The following MCC variants were observed in gnomAD, a reference collection of about 807,000 sequenced individuals.
The protein encoded by MCC is MCC regulator of Wnt signaling pathway.
A neutral mutation model predicts 116.2 loss-of-function variants in MCC; 90 were observed. The observed-to-expected ratio is 0.77, with a 90% CI of 0.65 to 0.92. The LOEUF is 0.92. MCC is among the 40% of genes least tolerant of loss of function. The probability of loss-of-function intolerance (pLI) is 0.00; values close to 1 mark genes in which losing one functional copy is unlikely to be tolerated. For missense variants in MCC, 1,516 were observed against 1,312.2 expected (o/e 1.16, Z -2.40); for synonymous variants, 578 against 510.5 (o/e 1.13, Z -1.78).
At chr5:113,334,966 T>G (rs1204783300) in intron 3 of MCC, among the ~76,000 whole-genome samples, 1 of 151,748 alleles carries the variant, frequency 6.6e-6, no homozygotes, top group Non-Finnish European at 1.5e-5. Context: ...TTCCAATATT[T>G]TATTTGTCCT....
intron 2 of MCC, among the ~76,000 whole-genome samples, chr5:113,384,118 T>C (rs1561545988): frequency 6.6e-6 from 1 of 152,182 alleles, no homozygotes; most frequent in African/African-American, 2.4e-5. Context: ...AAAATATGTA[T>C]AACTGAGTAT....
intron 3 of MCC, among the ~76,000 whole-genome samples, chr5:113,311,528 T>A (rs1295197382): frequency 6.6e-6 from 1 of 152,116 alleles, no homozygotes; most frequent in Non-Finnish European, 1.5e-5. Flanking sequence ...GGCTTTACAG[T>A]CAAGAACAGC....
At chr5:113,392,178 C>T (rs939508580) in intron 1 of MCC, among the ~76,000 whole-genome samples, 1 of 151,448 alleles carries the variant, frequency 6.6e-6, no homozygotes, top group South Asian at 2.1e-4. Flanking sequence ...CCATAGTGAG[C>T]TACGATTGCC....
intron 5 of MCC, among the ~76,000 whole-genome samples, chr5:113,132,383 C>A (rs11749995): frequency 0.51 from 64,207 of 127,102 alleles, 17,280 homozygotes; most frequent in East Asian, 0.67. Context: ...TATATATATA[C>A]ATACATATAT....
rs1766918642 is a variant in MCC, at chr5:113,303,767, C to G, written c.627+36752G>C. Among the ~76,000 whole-genome samples the G allele has an allele frequency of 3.3e-5, 5 of 152,168 alleles. No homozygotes were observed. The South Asian group carries it at 1.0e-3, about 32-fold the overall frequency. ...TCCCAGGTTCAAGTGATTCCCCTGC[C>G]TCAGCCTCCCAAGTAGCTGGGATTA... On this transcript the variant is annotated intron_variant, in intron 3 of 18. Coordinates refer to ENST00000408903, the MANE Select transcript of MCC (RefSeq NM_001085377.2).
chr5:113,331,826 CG>C, intron 3 of MCC, among the ~76,000 whole-genome samples: 1 of 151,502 alleles, frequency 6.6e-6, no homozygotes, highest in South Asian at 2.1e-4. Context: ...TTAGTAGAGA[CG>C]GGGTTTCACC....
intron 1 of MCC, among the ~76,000 whole-genome samples, chr5:113,471,869 C>T (rs948576015): frequency 6.6e-6 from 1 of 152,004 alleles, no homozygotes; most frequent in Non-Finnish European, 1.5e-5. Context: ...ATGGCGGGCG[C>T]CCCTCCCCCA....
chr5:113,292,311 C>CATTG (rs1451076062), intron 3 of MCC, among the ~76,000 whole-genome samples: 10 of 152,058 alleles, frequency 6.6e-5, no homozygotes, highest in Middle Eastern at 6.8e-3. Context: ...GGATAACTAA[C>CATTG]ATTGATTGGA....
intron 1 of MCC, among the ~76,000 whole-genome samples, chr5:113,425,851 G>C (rs1339472009): frequency 6.6e-6 from 1 of 152,020 alleles, no homozygotes; most frequent in Non-Finnish European, 1.5e-5. Context: ...TCACCATGCT[G>C]GGGGTGGTGG....
At position 113,024,747 on chromosome 5, in the gene MCC, T is replaced by G. The variant is rs1275509168; in HGVS notation, c.*2555A>C. The G allele has an allele frequency of 3.5e-5, 1 of 28,448 alleles. No homozygotes were observed. The highest frequency in any genetic ancestry group is 3.8e-4 in the African/African-American group (1 of 2,608). The allele number at this position is 28,448 out of a possible 1,614,324, so 1.8% of individuals were successfully genotyped here. A position where few individuals can be genotyped will look rare whatever the true frequency, so the allele number is the denominator to read the frequency against. On this transcript the variant is annotated 3_prime_UTR_variant, in exon 19 of 19. Coordinates refer to ENST00000408903, the MANE Select transcript of MCC (RefSeq NM_001085377.2). Reference sequence around the variant, plus strand: ...AGGAACCTGCAAGCATTTAATTTAATCAGTATAGTTTAGTTCAGTAGCTCC... The same window carrying G: ...AGGAACCTGCAAGCATTTAATTTAAGCAGTATAGTTTAGTTCAGTAGCTCC...
At chr5:113,160,717 A>G (rs986919681) in intron 3 of MCC, among the ~76,000 whole-genome samples, 2 of 152,242 alleles carry the variant, frequency 1.3e-5, no homozygotes, top group Non-Finnish European at 2.9e-5. Context: ...AAGCAGAATT[A>G]GCACAATTAG....
At chr5:113,139,162 T>C (rs1047876573) in intron 5 of MCC, among the ~76,000 whole-genome samples, 1 of 152,146 alleles carries the variant, frequency 6.6e-6, no homozygotes, top group African/African-American at 2.4e-5. Flanking sequence ...ACTTCGACTC[T>C]GTTTGTTCAG....
At chr5:113,295,162 T>C (rs1426625226) in intron 3 of MCC, among the ~76,000 whole-genome samples, 1 of 144,404 alleles carries the variant, frequency 6.9e-6, no homozygotes, top group Non-Finnish European at 1.5e-5. Flanking sequence ...TGAATAATCG[T>C]GCAGGAAATT....
intron 2 of MCC, among the ~76,000 whole-genome samples, chr5:113,345,626 G>A (rs541721279): frequency 2.0e-5 from 3 of 152,338 alleles, no homozygotes; most frequent in East Asian, 1.9e-4. Flanking sequence ...TCTCTGCCTC[G>A]TAATCTGGAG....
intron 5 of MCC, among the ~76,000 whole-genome samples, chr5:113,132,453 C>CATATATATATATATATATATATAT (rs1561385323): frequency 1.6e-5 from 2 of 128,358 alleles, no homozygotes; most frequent in African/African-American, 6.8e-5. Flanking sequence ...TACACACACA[C>CATATATATATATATATATATATAT]ACACACACAC....
At chr5:113,108,639 C>T (rs546411220) in intron 6 of MCC, among the ~76,000 whole-genome samples, 3 of 123,540 alleles carry the variant, frequency 2.4e-5, no homozygotes, top group South Asian at 5.9e-4. Context: ...GGCAAGAGAG[C>T]GAGACTCCAT....
rs5870543 is a variant in MCC at position 113,459,825 on chromosome 5, A to AACACACACACACACACAC, written c.170+28402_170+28419dup. ...AAGGAGTCCTAGAATCGCTATGGAAAACACACACACACACACACACACACA... is the reference window on the plus strand; with the variant it reads ...AAGGAGTCCTAGAATCGCTATGGAAAACACACACACACACACACACACACACACACACACACACACACA... On this transcript the variant is annotated intron_variant, in intron 1 of 18. Coordinates refer to ENST00000408903, the MANE Select transcript of MCC (RefSeq NM_001085377.2). 5.7e-3 allele frequency among the ~76,000 whole-genome samples: 845 copies of AACACACACACACACACAC among 147,610 alleles called. 5 individuals carry two copies. Among genetic ancestry groups the AACACACACACACACACAC allele is most frequent in the South Asian group, 0.013 (59 of 4,552 alleles).
chr5:113,078,865 A>G (rs192581667), intron 11 of MCC, among the ~76,000 whole-genome samples: 13 of 152,360 alleles, frequency 8.5e-5, no homozygotes, highest in Admixed American at 7.8e-4. Flanking sequence ...GAGGAAGTCA[A>G]ACTGTCCCTG....
rs1771906027 is a variant in MCC, at chr5:113,466,306, T to A, written c.170+21939A>T. Among the ~76,000 whole-genome samples, 3 of 151,210 alleles carry A rather than the reference T, an allele frequency of 2.0e-5. No homozygotes were observed. The South Asian group carries it at 6.3e-4, about 32-fold the overall frequency. ...CACCAACTCGTCATTTAGCATTAGG[T>A]ATATCTCCTAATGCTATCCCTCCCC... On this transcript the variant is annotated intron_variant, in intron 1 of 18. Coordinates refer to ENST00000408903, the MANE Select transcript of MCC (RefSeq NM_001085377.2).
Sources: allele counts gnomAD v4.1 joint callset (sites outside exome capture counted in the v4.1 genomes callset), GRCh38; gene constraint gnomAD v4.1.1; transcripts MANE v1.5; gene names NCBI Gene and HGNC (gene_info 2026-07-23, HGNC 2026-07-21).